Variants in ENTPD5 observed in about 807,000 individuals in gnomAD.
ENTPD5 encodes the protein ectonucleoside triphosphate diphosphohydrolase 5 (inactive), also known as nucleoside diphosphate phosphatase ENTPD5.
In ENTPD5, 49 loss-of-function variants were observed where a neutral mutation model predicts 60.2. The observed-to-expected ratio is 0.81, with a 90% confidence interval of 0.65 to 1.03. ENTPD5 has a LOEUF of 1.03. ENTPD5 is among the 50% of genes least tolerant of loss of function. The pLI is 0.00. For missense variants in ENTPD5, 480 were observed against 507.6 expected, an observed-to-expected ratio of 0.95 and a Z score of 0.52; for synonymous variants, 187 against 185.4, an observed-to-expected ratio of 1.01 and a Z score of -0.07.
At chr14:74,011,491 G>A (rs537933488) in intron 2 of ENTPD5, among the ~76,000 whole-genome samples, 1 of 152,256 alleles carries the variant, frequency 6.6e-6, no homozygotes, top group African/African-American at 2.4e-5. Flanking sequence ...TGACCAAGGA[G>A]CTAATTCATA....
chr14:73,991,273 G>A (rs1037538381), intron 3 of ENTPD5, among the ~76,000 whole-genome samples: 1 of 151,932 alleles, frequency 6.6e-6, no homozygotes, highest in East Asian at 1.9e-4. Context: ...TCAAGGTCAG[G>A]GTTTCTTAAT....
At chr14:73,970,811 T>A (rs1345409432) in intron 14 of ENTPD5, among the ~76,000 whole-genome samples, 3 of 152,132 alleles carry the variant, frequency 2.0e-5, no homozygotes, top group Admixed American at 2.0e-4. Flanking sequence ...TATTTTTTAA[T>A]TTTTAAAAAC....
At chr14:73,991,221 CTG>C (rs1394199526) in intron 3 of ENTPD5, among the ~76,000 whole-genome samples, 2 of 152,124 alleles carry the variant, frequency 1.3e-5, no homozygotes, top group Non-Finnish European at 1.5e-5. Flanking sequence ...AAAGCTCAGA[CTG>C]TGTCCTATGA....
chr14:74,019,158 G>A lies in ENTPD5; in HGVS notation c.-238+92C>T, dbSNP rs141645896. ...ACACACCCAGGCCGCAGGACGAAGC[G>A]CTACCGCCTGGGGCTGCCAGCTCCC... is the stretch of plus-strand genomic sequence containing the variant. On this transcript the variant is annotated intron_variant, in intron 1 of 15. Coordinates refer to ENST00000334696, the MANE Select transcript of ENTPD5 (RefSeq NM_001249.5). 1,044 of 153,318 alleles carry A rather than the reference G, an allele frequency of 6.8e-3. 8 individuals are homozygous for A. Among genetic ancestry groups the A allele is most frequent in the African/African-American group, 0.024 (990 of 41,566 alleles). 9.5% of individuals were successfully genotyped at this position (153,318 alleles called of 1,614,324 possible).
At chr14:74,008,115 T>C (rs962978741) in intron 3 of ENTPD5, among the ~76,000 whole-genome samples, 1 of 151,936 alleles carries the variant, frequency 6.6e-6, no homozygotes, top group African/African-American at 2.4e-5. Context: ...ATTACAAGCA[T>C]AAGCCACCAC....
intron 4 of ENTPD5, 119 bp from the exon 5 acceptor site, chr14:73,987,012 G>T: frequency 1.3e-6 from 1 of 775,760 alleles, no homozygotes; most frequent in South Asian, 1.4e-5. Flanking sequence ...TATCCCAAAT[G>T]ATCCTAGTTG....
rs529223572 is a variant in ENTPD5 at position 73,974,059 on chromosome 14, A to G, written c.785-81T>C. The G allele has an allele frequency of 2.8e-4, 316 of 1,144,240 alleles. 1 individual carries two copies. The highest frequency in any genetic ancestry group is 1.2e-3 in the Admixed American group (66 of 56,456). The allele number at this position is 1,144,240 out of a possible 1,614,324, so 70.9% of individuals were successfully genotyped here. ...GGCAAGCAAGAAGCCAGTGAGGTGGAAAAGAATCACCATGGGGGCTGGGCC... is the reference window on the plus strand; with the variant it reads ...GGCAAGCAAGAAGCCAGTGAGGTGGGAAAGAATCACCATGGGGGCTGGGCC... On this transcript the variant is annotated intron_variant, in intron 11 of 15. Coordinates refer to ENST00000334696, the MANE Select transcript of ENTPD5 (RefSeq NM_001249.5).
At position 74,011,352 on chromosome 14, in the gene ENTPD5, A is replaced by T. The variant is rs1342625072; in HGVS notation, c.-130-202T>A. ...TTCTGCTCCCCTACACTTTCTTCTC[A>T]CTCAAACTACAACCTCAGCCACTTT... On this transcript the variant is annotated intron_variant, in intron 2 of 15. Coordinates refer to ENST00000334696, the MANE Select transcript of ENTPD5 (RefSeq NM_001249.5). Among the ~76,000 whole-genome samples, 3 of 151,872 alleles carry T rather than the reference A, an allele frequency of 2.0e-5. No individual in the cohort carries two copies. In the East Asian group the frequency reaches 5.8e-4, roughly 29 times the overall value.
chr14:73,970,243 G>A, intron 14 of ENTPD5, 118 bp from the exon 15 acceptor site: 1 of 641,140 alleles, frequency 1.6e-6, no homozygotes, highest in Admixed American at 2.3e-5. Flanking sequence ...TGTAATCCTA[G>A]CACTTTGGGA....
chr14:73,959,568 A>G, downstream of ENTPD5: 1 of 1,613,816 alleles, frequency 6.2e-7, no homozygotes, highest in Non-Finnish European at 8.5e-7. Context: ...AGGGGGAGAT[A>G]CAGAAAGGTG....
At chr14:73,959,599 C>G, downstream of ENTPD5, 1 of 1,598,848 alleles carries the variant, frequency 6.3e-7, no homozygotes. Context: ...TTTTTTGAAA[C>G]GGATCCTTGC....
downstream of ENTPD5, among the ~76,000 whole-genome samples, chr14:73,962,287 AATT>A (rs1487704126): frequency 5.3e-5 from 8 of 152,122 alleles, no homozygotes; most frequent in South Asian, 4.2e-4. Context: ...TTGGCTGTAA[AATT>A]ATTATCTTTA....
At chr14:73,995,585 A>AAATAATAATAATAATAATAATAAT (rs34846091) in intron 3 of ENTPD5, among the ~76,000 whole-genome samples, 1 of 144,212 alleles carries the variant, frequency 6.9e-6, no homozygotes, top group African/African-American at 2.6e-5. Flanking sequence ...ACTCTATCTC[A>AAATAATAATAATAATAATAATAAT]AATAATAATA....
At chr14:73,992,800 C>T (rs569239948) in intron 3 of ENTPD5, among the ~76,000 whole-genome samples, 17 of 151,464 alleles carry the variant, frequency 1.1e-4, no homozygotes, top group African/African-American at 2.7e-4. Context: ...GTCAGGAGTA[C>T]GAGACCAGCC....
At chr14:73,972,145 G>A (rs952616293) in intron 13 of ENTPD5, among the ~76,000 whole-genome samples, 1 of 151,962 alleles carries the variant, frequency 6.6e-6, no homozygotes, top group African/African-American at 2.4e-5. Flanking sequence ...TTGGGAGGCC[G>A]AGGAAGGCAG....
chr14:73,958,809 T>C, downstream of ENTPD5: 2 of 1,522,638 alleles, frequency 1.3e-6, no homozygotes, highest in East Asian at 2.5e-5. Flanking sequence ...GATGTGACAG[T>C]GCAGGGGCTC....
chr14:74,000,749 G>A (rs1290842043), intron 3 of ENTPD5, among the ~76,000 whole-genome samples: 1 of 152,042 alleles, frequency 6.6e-6, no homozygotes, highest in East Asian at 1.9e-4. Flanking sequence ...CTGCACTCCA[G>A]CCTGGGCAAC....
In ENTPD5 at chr14:73,986,908, G is replaced by T. The variant is rs1489484333; in HGVS notation, c.218-15C>A. On this transcript the variant is annotated splice_polypyrimidine_tract_variant and intron_variant, in intron 4 of 15. Coordinates refer to ENST00000334696, the MANE Select transcript of ENTPD5 (RefSeq NM_001249.5). The stretch of plus-strand genomic sequence containing the variant: ...TGGAAGCTGTCCTATTTTGTCCATG[G>T]AACAAAACAGAAGAGAGAGCTGGTT... 1 of 1,602,674 alleles carries T rather than the reference G, an allele frequency of 6.2e-7. No individual in the cohort carries two copies. The highest frequency in any genetic ancestry group is 8.5e-7 in the Non-Finnish European group (1 of 1,169,606).
At chr14:73,958,014 T>A (rs1235247110), downstream of ENTPD5, 1 of 783,048 alleles carries the variant, frequency 1.3e-6, no homozygotes, top group Non-Finnish European at 2.3e-6. Flanking sequence ...ACAGCATTAA[T>A]TACTGATTTT....
Sources: allele counts gnomAD v4.1 joint callset (sites outside exome capture counted in the v4.1 genomes callset), GRCh38; gene constraint gnomAD v4.1.1; transcripts MANE v1.5; gene names NCBI Gene and HGNC (gene_info 2026-07-23, HGNC 2026-07-21).